Variants in PUM1 observed in about 807,000 individuals in gnomAD.
PUM1 encodes pumilio homolog 1.
A neutral mutation model predicts 131.8 loss-of-function variants in PUM1; 13 were observed. The observed-to-expected ratio is 0.10, with a 90% CI of 0.06 to 0.16. The LOEUF (loss-of-function observed/expected upper bound fraction) is 0.16, where lower values mean the gene tolerates loss of function less well. Among genes scored for constraint, PUM1 ranks in the 10% least tolerant of loss-of-function variants. The pLI is 1.00. For missense variants in PUM1, 961 were observed against 1,512.4 expected, an observed-to-expected ratio of 0.64 and a Z score of 6.05; for synonymous variants, 509 against 556.5, an observed-to-expected ratio of 0.91 and a Z score of 1.20.
intron 14 of PUM1, 43 bp downstream of exon 14, chr1:30,964,631 A>G: frequency 6.6e-7 from 1 of 1,508,080 alleles, no homozygotes; most frequent in Non-Finnish European, 9.2e-7. Flanking sequence ...CGGTGGCAAG[A>G]GAGTTCTAGA....
At chr1:31,047,978 C>G (rs543297390) in intron 2 of PUM1, among the ~76,000 whole-genome samples, 178 of 150,924 alleles carry the variant, frequency 1.2e-3, no homozygotes, top group African/African-American at 4.1e-3. Flanking sequence ...CAGTGGCTCA[C>G]GCCTGTAATA....
intron 10 of PUM1, among the ~76,000 whole-genome samples, chr1:30,969,331 A>AAAAG (rs1553146891): frequency 6.8e-6 from 1 of 148,044 alleles, no homozygotes; most frequent in Non-Finnish European, 1.5e-5. Context: ...AAAAAAAAAA[A>AAAAG]AAAAAGAAAA....
At chr1:30,991,217 G>C (rs989306914) in intron 7 of PUM1, among the ~76,000 whole-genome samples, 2 of 152,092 alleles carry the variant, frequency 1.3e-5, no homozygotes, top group Non-Finnish European at 2.9e-5. Context: ...AAAGCACAGA[G>C]AGTCAATTCA....
In PUM1 at chr1:30,950,854, G is replaced by C. The variant is rs139710392; in HGVS notation, c.2722-593C>G. 7.6e-3 allele frequency among the ~76,000 whole-genome samples: 1,154 copies of C among 152,210 alleles called. 8 individuals carry two copies. The highest frequency in any genetic ancestry group is 0.012 in the Non-Finnish European group (831 of 68,002). On this transcript the variant is annotated intron_variant, in intron 16 of 21. Transcript: ENST00000426105. ...CCAGCCTGCCCAATGGAGCAAGACT[G>C]TGTGTCAAAAAAAAGAATCCTACAC...
intron 5 of PUM1, among the ~76,000 whole-genome samples, chr1:31,003,646 A>G (rs1642297539): frequency 6.6e-6 from 1 of 152,086 alleles, no homozygotes; most frequent in African/African-American, 2.4e-5. Context: ...AATCTCAGCT[A>G]CTCAGGAGGC....
At chr1:31,024,121 A>C (rs1418783413) in intron 3 of PUM1, among the ~76,000 whole-genome samples, 1 of 152,200 alleles carries the variant, frequency 6.6e-6, no homozygotes, top group African/African-American at 2.4e-5. Context: ...AGGTCCTAGG[A>C]AACTATCTAG....
At position 30,994,201 on chromosome 1, in the gene PUM1, C is replaced by T. The variant is rs1041476235; in HGVS notation, c.887+853G>A. On this transcript the variant is annotated intron_variant, in intron 6 of 21. Coordinates refer to ENST00000426105, the MANE Select transcript of PUM1 (RefSeq NM_001020658.2). ...TGTCCTACAACGATGGTCCAAAATA[C>T]ATTTTCATTTTGACTTTGGCAGACA... Among the ~76,000 whole-genome samples the T allele has an allele frequency of 2.0e-5, 3 of 152,152 alleles. No individual in the cohort carries two copies. In the East Asian group the frequency reaches 5.8e-4, roughly 29 times the overall value.
At position 31,057,318 on chromosome 1, in the gene PUM1, G is replaced by A. The variant is rs117394079; in HGVS notation, c.363+1886C>T. Among the ~76,000 whole-genome samples the A allele has an allele frequency of 2.9e-4, 42 of 146,146 alleles. No individual in the cohort carries two copies. The East Asian group carries it at 8.4e-3, about 29-fold the overall frequency. ...CTCAGGAGACTGAGGTGGGAGGATCGCTTGAACCAGGGAGACCGTGGTTGC... is the reference window on the plus strand; with the variant it reads ...CTCAGGAGACTGAGGTGGGAGGATCACTTGAACCAGGGAGACCGTGGTTGC... On this transcript the variant is annotated intron_variant, in intron 2 of 21. Coordinates refer to ENST00000426105, the MANE Select transcript of PUM1 (RefSeq NM_001020658.2).
intron 3 of PUM1, among the ~76,000 whole-genome samples, chr1:31,026,257 TA>T (rs903944103): frequency 3.4e-3 from 475 of 139,662 alleles, no homozygotes; most frequent in Non-Finnish European, 3.1e-3. Context: ...CTCAGTCTCT[TA>T]AAAAAAAAAA....
intron 5 of PUM1, among the ~76,000 whole-genome samples, chr1:30,997,176 A>T (rs1271446557): frequency 6.6e-6 from 1 of 152,212 alleles, no homozygotes; most frequent in Admixed American, 6.5e-5. Context: ...GAAACAGTTC[A>T]GCTCCAATTT....
At chr1:30,952,202 TAAGTC>T (rs1214118477) in intron 16 of PUM1, 27 bp downstream of exon 16, 1 of 1,604,670 alleles carries the variant, frequency 6.2e-7, no homozygotes, top group African/African-American at 1.3e-5. Context: ...CAGATTCTCT[TAAGTC>T]AAAGGATAGA....
chr1:31,028,421 G>GA (rs1557593417), intron 3 of PUM1, among the ~76,000 whole-genome samples: 1 of 19,578 alleles, frequency 5.1e-5, no homozygotes. Context: ...GCCATTGGCG[G>GA]GGGGGGTGGG....
In PUM1 at chr1:30,938,736, A is replaced by G. The variant is rs188730325; in HGVS notation, c.3243-1901T>C. Reference sequence around the variant, plus strand: ...AAAAATTAGCCGGGAGTGGTGGCGGACACCTGTAGTCCCAGCTACTCGGGA... The same window carrying G: ...AAAAATTAGCCGGGAGTGGTGGCGGGCACCTGTAGTCCCAGCTACTCGGGA... On this transcript the variant is annotated intron_variant, in intron 20 of 21. Coordinates refer to ENST00000426105, the MANE Select transcript of PUM1 (RefSeq NM_001020658.2). Among the ~76,000 whole-genome samples the G allele has an allele frequency of 5.1e-3, 777 of 152,136 alleles. 5 individuals are homozygous for G. The highest frequency in any genetic ancestry group is 0.033 in the East Asian group (167 of 5,114).
intron 3 of PUM1, among the ~76,000 whole-genome samples, chr1:31,010,053 A>G (rs1001117768): frequency 6.6e-6 from 1 of 152,188 alleles, no homozygotes; most frequent in African/African-American, 2.4e-5. Context: ...GGAAACAACA[A>G]TACAGCAAAC....
intron 3 of PUM1, among the ~76,000 whole-genome samples, chr1:31,007,307 G>A (rs762736856): frequency 1.4e-5 from 2 of 145,418 alleles, no homozygotes; most frequent in Non-Finnish European, 3.0e-5. Context: ...AAGGTGGGGG[G>A]CAGGGGTGGG....
At chr1:30,952,104 C>A in intron 16 of PUM1, 130 bp downstream of exon 16, 1 of 822,690 alleles carries the variant, frequency 1.2e-6, no homozygotes, top group Non-Finnish European at 1.9e-6. Context: ...CACTAAAAAC[C>A]TCTTCAAAAA....
At chr1:31,035,478 G>A (rs1456532852) in intron 2 of PUM1, among the ~76,000 whole-genome samples, 2 of 152,036 alleles carry the variant, frequency 1.3e-5, no homozygotes, top group Admixed American at 6.6e-5. Context: ...TTGGTGGGGC[G>A]CAGTGGCTCA....
chr1:30,937,270 C>T (rs533571838), intron 20 of PUM1, among the ~76,000 whole-genome samples: 64 of 152,336 alleles, frequency 4.2e-4, no homozygotes, highest in Middle Eastern at 6.8e-3. Flanking sequence ...TATTTTAACA[C>T]TTACCAAAAT....
chr1:30,935,750 G>T lies in PUM1; in HGVS notation c.3435+893C>A, dbSNP rs527671582. On this transcript the variant is annotated intron_variant, in intron 21 of 21. Transcript: ENST00000426105. ...ATTACCGAACTTTGTTCTCAGTGAG[G>T]GCAAGTGGGTCATCATTGCCAGACA... The T allele has an allele frequency of 8.0e-4, 353 of 439,340 alleles. 2 individuals are homozygous for T. Among genetic ancestry groups the T allele is most frequent in the African/African-American group, 7.0e-3 (328 of 47,184 alleles). 27.2% of individuals were successfully genotyped at this position (439,340 alleles called of 1,614,324 possible).
Sources: gnomAD v4.1 joint callset for allele counts (sites outside exome capture counted in the v4.1 genomes callset) on GRCh38, gnomAD v4.1.1 for gene constraint, MANE v1.5 for transcripts, NCBI Gene and HGNC (gene_info 2026-07-23, HGNC 2026-07-21) for gene names.